FGF12: variants seen among roughly 807,000 people sequenced by gnomAD.
FGF12 encodes fibroblast growth factor 12B.
Under a neutral mutation model 23.6 loss-of-function variants are expected in FGF12, and 14 were observed. The ratio of observed to expected loss-of-function variants is 0.59; its 90% CI spans 0.39 to 0.93. FGF12 has a LOEUF of 0.93. Among genes scored for constraint, FGF12 ranks in the 40% least tolerant of loss-of-function variants. FGF12 has a pLI of 0.00. For synonymous variants in FGF12, 62 were observed against 77.3 expected (o/e 0.80, Z 1.04); for missense variants, 175 against 217.8 (o/e 0.80, Z 1.24).
intron 2 of FGF12, among the ~76,000 whole-genome samples, chr3:192,473,143 A>G (rs1723220461): frequency 6.6e-6 from 1 of 152,174 alleles, no homozygotes; most frequent in Non-Finnish European, 1.5e-5. Flanking sequence ...GTTGTGTTCA[A>G]TTTATGGAAA....
At chr3:192,369,788 C>T (rs1719142508) in intron 2 of FGF12, among the ~76,000 whole-genome samples, 1 of 152,182 alleles carries the variant, frequency 6.6e-6, no homozygotes, top group South Asian at 2.1e-4. Flanking sequence ...CACCCACGGC[C>T]TGATCAAGGA....
At chr3:192,439,574 C>T (rs1722132683) in intron 2 of FGF12, among the ~76,000 whole-genome samples, 1 of 152,154 alleles carries the variant, frequency 6.6e-6, no homozygotes, top group Non-Finnish European at 1.5e-5. Context: ...AGACCTGGTT[C>T]TTGCCTCAAC....
chr3:192,212,425 T>C (rs1717980785), intron 4 of FGF12, among the ~76,000 whole-genome samples: 1 of 152,188 alleles, frequency 6.6e-6, no homozygotes, highest in Admixed American at 6.5e-5. Context: ...AAATGTGTTA[T>C]GTAAAACGGT....
At chr3:192,611,144 A>G (rs1714536580) in intron 2 of FGF12, among the ~76,000 whole-genome samples, 1 of 152,042 alleles carries the variant, frequency 6.6e-6, no homozygotes, top group African/African-American at 2.4e-5. Flanking sequence ...AAGAAAGAAA[A>G]GAAGAAAAGA....
intron 2 of FGF12, among the ~76,000 whole-genome samples, chr3:192,452,760 TTCAGCTTCCATTTTTTAG>T (rs533683896): frequency 6.6e-6 from 1 of 152,306 alleles, no homozygotes; most frequent in East Asian, 1.9e-4. Context: ...GCTCCGGTCT[TTCAGCTTCCATTTTTTAG>T]AAGTCTTCTC....
intron 2 of FGF12, among the ~76,000 whole-genome samples, chr3:192,622,216 G>A (rs989182613): frequency 2.4e-4 from 37 of 152,288 alleles, no homozygotes; most frequent in African/African-American, 8.7e-4. Flanking sequence ...AGACAGGAAG[G>A]CTATGGAGCA....
intron 2 of FGF12, among the ~76,000 whole-genome samples, chr3:192,394,384 G>A (rs904976573): frequency 6.6e-6 from 1 of 152,138 alleles, no homozygotes; most frequent in South Asian, 2.1e-4. Flanking sequence ...AAATATATTT[G>A]TTAAATTTGT....
In FGF12 at chr3:192,530,536, T is replaced by C. The variant is rs554896690; in HGVS notation, c.14-169998A>G. Among the ~76,000 whole-genome samples the C allele has an allele frequency of 2.0e-5, 3 of 152,348 alleles. No individual in the cohort carries two copies. In the South Asian group the frequency reaches 6.2e-4, roughly 32 times the overall value. Reference sequence around the variant, plus strand: ...AATATTGCTCATTTGTTATTTGAGATTATTTTAATAATTTCTCTTCTGTAT... The same window carrying C: ...AATATTGCTCATTTGTTATTTGAGACTATTTTAATAATTTCTCTTCTGTAT... On this transcript the variant is annotated intron_variant, in intron 2 of 5. Coordinates refer to ENST00000445105, the MANE Select transcript of FGF12 (RefSeq NM_004113.6).
At chr3:192,618,430 T>C (rs1052894441) in intron 2 of FGF12, among the ~76,000 whole-genome samples, 3 of 151,940 alleles carry the variant, frequency 2.0e-5, no homozygotes, top group Non-Finnish European at 4.4e-5. Flanking sequence ...AATAAATAGA[T>C]TGATTTTTAA....
At chr3:192,714,818 A>G (rs888831222) in intron 2 of FGF12, among the ~76,000 whole-genome samples, 2 of 152,122 alleles carry the variant, frequency 1.3e-5, no homozygotes, top group African/African-American at 4.8e-5. Context: ...GCGCCCGGCC[A>G]AGGAAATAAT....
At chr3:192,258,010 G>A (rs1381958075) in intron 4 of FGF12, among the ~76,000 whole-genome samples, 1 of 135,328 alleles carries the variant, frequency 7.4e-6, no homozygotes, top group East Asian at 3.2e-4. Context: ...TGGTAAGGTA[G>A]TGGTAAAATT....
rs184653464 is a variant in FGF12 at position 192,529,557 on chromosome 3, C to T, written c.14-169019G>A. On this transcript the variant is annotated intron_variant, in intron 2 of 5. Transcript: ENST00000445105. The stretch of plus-strand genomic sequence containing the variant: ...ATTTTAGGGTATCTTTTCAGCAGCA[C>T]CCCACTCTACTGGTATCAATTTACT... Among the ~76,000 whole-genome samples the T allele has an allele frequency of 1.2e-3, 176 of 152,306 alleles. 1 individual carries two copies. Among genetic ancestry groups the T allele is most frequent in the African/African-American group, 4.0e-3 (166 of 41,566 alleles).
intron 4 of FGF12, among the ~76,000 whole-genome samples, chr3:192,321,060 G>A (rs1716507530): frequency 6.6e-6 from 1 of 151,904 alleles, no homozygotes; most frequent in Non-Finnish European, 1.5e-5. Flanking sequence ...ACACTTTTAA[G>A]CCAGACCAAT....
At chr3:192,500,516 G>A (rs767418723) in intron 2 of FGF12, among the ~76,000 whole-genome samples, 11 of 152,126 alleles carry the variant, frequency 7.2e-5, no homozygotes, top group Non-Finnish European at 1.2e-4. Context: ...ATGCCAGTCC[G>A]CTGTGCAACA....
At chr3:192,350,383 T>C (rs74480901) in intron 3 of FGF12, among the ~76,000 whole-genome samples, 3,733 of 152,238 alleles carry the variant, frequency 0.025, 153 homozygotes, top group African/African-American at 0.083. Context: ...ATAAGTAATA[T>C]TTTAGTAGTA....
intron 2 of FGF12, among the ~76,000 whole-genome samples, chr3:192,465,686 C>T (rs771615345): frequency 4.6e-5 from 7 of 152,192 alleles, no homozygotes; most frequent in Non-Finnish European, 8.8e-5. Flanking sequence ...GCAGAGGGTG[C>T]CTACGTGACT....
chr3:192,247,108 C>T (rs1433543804), intron 4 of FGF12, among the ~76,000 whole-genome samples: 2 of 145,488 alleles, frequency 1.4e-5, no homozygotes, highest in Admixed American at 6.9e-5. Context: ...AAGGAATATC[C>T]TAAAGCAACT....
intron 2 of FGF12, among the ~76,000 whole-genome samples, chr3:192,588,733 G>C (rs1713494791): frequency 6.6e-6 from 1 of 151,986 alleles, no homozygotes; most frequent in Non-Finnish European, 1.5e-5. Context: ...TATACAGCTA[G>C]AAACTGGGAG....
At chr3:192,197,790 T>C (rs1717148523) in intron 4 of FGF12, among the ~76,000 whole-genome samples, 3 of 151,840 alleles carry the variant, frequency 2.0e-5, no homozygotes, top group Admixed American at 2.0e-4. Context: ...TTTAAAAAAA[T>C]ACAAAGTTAG....
Sources: gnomAD v4.1 joint callset for allele counts (sites outside exome capture counted in the v4.1 genomes callset) on GRCh38, gnomAD v4.1.1 for gene constraint, MANE v1.5 for transcripts, NCBI Gene and HGNC (gene_info 2026-07-23, HGNC 2026-07-21) for gene names.